CD9: variants seen among roughly 807,000 people sequenced by gnomAD.
CD9 encodes CD9 antigen.
In CD9, 10 loss-of-function variants were observed where a neutral mutation model predicts 31.4. The observed-to-expected ratio is 0.32, with a 90% CI of 0.20 to 0.54. The LOEUF is 0.54. Among genes scored for constraint, CD9 ranks in the 20% least tolerant of loss-of-function variants. The pLI, the probability that CD9 is intolerant of heterozygous loss-of-function variation, is 0.94. For missense variants in CD9, 259 were observed against 300.1 expected (o/e 0.86, Z 1.01); for synonymous variants, 113 against 114.1 (o/e 0.99, Z 0.06).
intron 1 of CD9, among the ~76,000 whole-genome samples, chr12:6,207,101 T>A (rs1459930782): frequency 6.6e-6 from 1 of 152,096 alleles, no homozygotes; most frequent in Non-Finnish European, 1.5e-5. Context: ...AAGCTGGTCT[T>A]GAACTCCTGG....
chr12:6,200,633 G>T, intron 1 of CD9, 68 bp downstream of exon 1: 2 of 1,091,896 alleles, frequency 1.8e-6, no homozygotes, highest in Non-Finnish European at 1.4e-6. Flanking sequence ...GACACTGGCC[G>T]CGGCCGCGAG....
chr12:6,223,965 G>T (rs928376437), intron 1 of CD9, among the ~76,000 whole-genome samples: 8 of 152,232 alleles, frequency 5.3e-5, no homozygotes, highest in African/African-American at 1.9e-4. Flanking sequence ...TCTTGTGCCT[G>T]TGTGAGTTTT....
At chr12:6,236,699 C>T (rs1371836880) in intron 7 of CD9, 5 of 393,072 alleles carry the variant, frequency 1.3e-5, no homozygotes, top group South Asian at 1.1e-4. Flanking sequence ...GGAGGTCTCT[C>T]GCTAATCAGC....
At chr12:6,206,659 C>A (rs1169229651) in intron 1 of CD9, among the ~76,000 whole-genome samples, 2 of 152,202 alleles carry the variant, frequency 1.3e-5, no homozygotes, top group Non-Finnish European at 2.9e-5. Flanking sequence ...AAAGCAACAT[C>A]CTGTCCCCAG....
chr12:6,219,949 T>C (rs1946276549), intron 1 of CD9, among the ~76,000 whole-genome samples: 1 of 152,194 alleles, frequency 6.6e-6, no homozygotes, highest in African/African-American at 2.4e-5. Flanking sequence ...AGTAATTACT[T>C]ACTAATGACC....
Position 6,207,611 on chromosome 12 carries a change from C to T in CD9, c.66+7046C>T, listed in dbSNP as rs181868023. 3.0e-4 allele frequency among the ~76,000 whole-genome samples: 45 copies of T among 152,328 alleles called. No homozygotes were observed. The South Asian group carries it at 7.5e-3, about 25-fold the overall frequency. ...AGGTCTGTCTCTCTTCTCCTTCCCT[C>T]CAAATGCAGACGGAAAGTCTCGTCC... On this transcript the variant is annotated intron_variant, in intron 1 of 7. Transcript: ENST00000009180.
intron 1 of CD9, among the ~76,000 whole-genome samples, chr12:6,211,701 A>C (rs955702320): frequency 2.6e-4 from 40 of 152,216 alleles, no homozygotes; most frequent in African/African-American, 9.6e-4. Flanking sequence ...TTTAAAGCAA[A>C]ACATCCAAAA....
chr12:6,217,078 T>A lies in CD9; in HGVS notation c.67-8348T>A, dbSNP rs148955210. 2.6e-3 allele frequency among the ~76,000 whole-genome samples: 403 copies of A among 152,222 alleles called. 8 individuals carry two copies. In the South Asian group the frequency reaches 0.03, roughly 11 times the overall value. On this transcript the variant is annotated intron_variant, in intron 1 of 7. Transcript: ENST00000009180. ...GTTCAGAGAAGCTGAGGAAAGTGTG[T>A]AGTGTCAGAGAGCTCCTAGGTAGCA...
chr12:6,231,442 T>C (rs1416440773), intron 2 of CD9, among the ~76,000 whole-genome samples: 1 of 152,228 alleles, frequency 6.6e-6, no homozygotes, highest in Non-Finnish European at 1.5e-5. Context: ...CAAGGCTAGA[T>C]AGAACATGCC....
rs1946456366 is a variant in CD9, at chr12:6,232,342, C to T, written c.176-290C>T. 2 of 502,274 alleles carry T rather than the reference C, an allele frequency of 4.0e-6. No homozygotes were observed. Among genetic ancestry groups the T allele is most frequent in the African/African-American group, 1.9e-5 (1 of 51,518 alleles). 31.1% of individuals were successfully genotyped at this position (502,274 alleles called of 1,614,324 possible). The stretch of plus-strand genomic sequence containing the variant: ...GAATGTAGGGATTCCCGTGGATATT[C>T]TCTGTCCTGGATTGAGGGCTAATGG... On this transcript the variant is annotated intron_variant, in intron 2 of 7. Coordinates refer to ENST00000009180, the MANE Select transcript of CD9 (RefSeq NM_001769.4). This position sits in a 1 kb window ranked among gnomAD's most constrained non-coding sequence, Gnocchi z 4.8.
intron 1 of CD9, among the ~76,000 whole-genome samples, chr12:6,224,834 G>C (rs749324525): frequency 6.6e-6 from 1 of 152,150 alleles, no homozygotes; most frequent in Non-Finnish European, 1.5e-5. Context: ...GGACATTGCA[G>C]CTGCCCTCCC....
At chr12:6,226,754 CAT>C (rs1298089552) in intron 2 of CD9, among the ~76,000 whole-genome samples, 1 of 152,212 alleles carries the variant, frequency 6.6e-6, no homozygotes, top group Non-Finnish European at 1.5e-5. Flanking sequence ...AAAAACTACA[CAT>C]ACACACAGAG....
intron 1 of CD9, 114 bp downstream of exon 1, chr12:6,200,679 C>T (rs1442215440): frequency 1.0e-5 from 7 of 669,194 alleles, no homozygotes; most frequent in Non-Finnish European, 1.8e-5. Context: ...CGGGCAGGCA[C>T]CGGGCGGGAA....
rs1565429003 is a variant in CD9, at chr12:6,233,032, C to CA, written c.273+307dup. On this transcript the variant is annotated intron_variant, in intron 3 of 7. Transcript: ENST00000009180. Reference sequence around the variant, plus strand: ...TACCTTTGCCTTCTCCTTCTTGTTTCAAAATCTGTTTTGGTCTTTTCCGAA... The same window carrying CA: ...TACCTTTGCCTTCTCCTTCTTGTTTCAAAAATCTGTTTTGGTCTTTTCCGAA... The CA allele has an allele frequency of 1.4e-4, 95 of 702,374 alleles. 1 individual carries two copies. In the East Asian group the frequency reaches 2.5e-3, roughly 18 times the overall value. The allele number at this position is 702,374 out of a possible 1,614,324, so 43.5% of individuals were successfully genotyped here.
intron 1 of CD9, chr12:6,225,050 T>A: frequency 5.0e-6 from 1 of 200,938 alleles, no homozygotes; most frequent in Non-Finnish European, 1.0e-5. Flanking sequence ...GCATAGCGTT[T>A]TTAACTACAT....
rs1202541421 is a variant in CD9, at chr12:6,222,057, C to T, written c.67-3369C>T. ...ACAGGGGAGCCCCTCTATGCCACACCAGAAAGTGAGTTCTCCTAGAAAATA... is the reference window on the plus strand; with the variant it reads ...ACAGGGGAGCCCCTCTATGCCACACTAGAAAGTGAGTTCTCCTAGAAAATA... On this transcript the variant is annotated intron_variant, in intron 1 of 7. Transcript: ENST00000009180. Among the ~76,000 whole-genome samples the T allele has an allele frequency of 5.9e-5, 9 of 152,138 alleles. No individual in the cohort carries two copies. The South Asian group carries it at 6.2e-4, about 11-fold the overall frequency.
chr12:6,229,102 C>T (rs1460525782), intron 2 of CD9, among the ~76,000 whole-genome samples: 1 of 152,236 alleles, frequency 6.6e-6, no homozygotes, highest in East Asian at 1.9e-4. Context: ...CAGCAAGATC[C>T]CTAATCCCAG....
chr12:6,229,682 G>T lies in CD9; in HGVS notation c.176-2950G>T, dbSNP rs540840980. 6.6e-5 allele frequency among the ~76,000 whole-genome samples: 10 copies of T among 152,184 alleles called. No individual in the cohort carries two copies. In the East Asian group the frequency reaches 1.7e-3, roughly 26 times the overall value. On this transcript the variant is annotated intron_variant, in intron 2 of 7. Coordinates refer to ENST00000009180, the MANE Select transcript of CD9 (RefSeq NM_001769.4). ...CGTGGTGAGTGCTGTTTGCAGGACA[G>T]AGCTGGTGTAGGGACGGGAGCCTGC... is the stretch of plus-strand genomic sequence containing the variant.
chr12:6,209,440 C>T (rs539176439), intron 1 of CD9, among the ~76,000 whole-genome samples: 1 of 152,270 alleles, frequency 6.6e-6, no homozygotes, highest in East Asian at 1.9e-4. Flanking sequence ...TTCCTAGAGA[C>T]GGGAGGCCCT....
Sources: gnomAD v4.1 joint callset for allele counts (sites outside exome capture counted in the v4.1 genomes callset) on GRCh38, gnomAD v4.1.1 for gene constraint, Gnocchi (gnomAD v3.1) non-coding constraint, MANE v1.5 for transcripts, NCBI Gene and HGNC (gene_info 2026-07-23, HGNC 2026-07-21) for gene names.